COMMD1: variants seen among roughly 807,000 people sequenced by gnomAD.
COMMD1 encodes COMM domain-containing protein 1.
A neutral mutation model predicts 17.2 loss-of-function variants in COMMD1; 10 were observed. That is an observed-to-expected ratio of 0.58 (90% CI 0.36 to 0.99). COMMD1 has a LOEUF of 0.99. Among genes scored for constraint, COMMD1 ranks in the 50% least tolerant of loss-of-function variants. The pLI is 0.01. For synonymous variants in COMMD1, 97 were observed against 91.6 expected, an observed-to-expected ratio of 1.06 and a Z score of -0.34; for missense variants, 270 against 231.8, an observed-to-expected ratio of 1.17 and a Z score of -1.07.
chr2:62,040,646 A>G (rs929772475), intron 2 of COMMD1, among the ~76,000 whole-genome samples: 3 of 152,072 alleles, frequency 2.0e-5, no homozygotes, highest in Non-Finnish European at 2.9e-5. Context: ...TTTAGTATAC[A>G]CCTGTCAGTT....
At chr2:62,074,031 TTTTTCTCTTAACACTA>T (rs1266179860) in intron 2 of COMMD1, among the ~76,000 whole-genome samples, 1 of 152,124 alleles carries the variant, frequency 6.6e-6, no homozygotes, top group Non-Finnish European at 1.5e-5. Context: ...TACAGTTTAT[TTTTTCTCTTAACACTA>T]TACAAACCAG....
chr2:61,889,675 G>T (rs542697747), intron 1 of COMMD1, among the ~76,000 whole-genome samples: 12 of 152,186 alleles, frequency 7.9e-5, no homozygotes, highest in Non-Finnish European at 1.8e-4. Flanking sequence ...GGGAGATTTG[G>T]AATGAGGCGA....
In COMMD1 at chr2:61,946,608, TTTTACTACACTATTACTA is replaced by T. The variant is rs1353558361; in HGVS notation, c.180+40769_180+40786del. Among the ~76,000 whole-genome samples the T allele has an allele frequency of 5.9e-5, 9 of 152,268 alleles. No individual in the cohort carries two copies. The South Asian group carries it at 1.0e-3, about 18-fold the overall frequency. On this transcript the variant is annotated intron_variant, in intron 1 of 2. Transcript: ENST00000311832. Reference sequence around the variant, plus strand: ...CTTGAGAGAGAAAATTGAACTCTAGTTTTACTACACTATTACTATTTACTACACTATTACTAGTTTTAC... The same window carrying T: ...CTTGAGAGAGAAAATTGAACTCTAGTTTTACTACACTATTACTAGTTTTAC...
chr2:62,063,972 G>A (rs979134064), intron 2 of COMMD1, among the ~76,000 whole-genome samples: 3 of 146,976 alleles, frequency 2.0e-5, no homozygotes, highest in African/African-American at 7.5e-5. Context: ...ATTTGAACCT[G>A]GGAGGTTGAG....
intron 1 of COMMD1, among the ~76,000 whole-genome samples, chr2:61,960,264 G>T (rs575499266): frequency 6.6e-6 from 1 of 152,202 alleles, no homozygotes. Flanking sequence ...CTTCAAATTT[G>T]TTTAGCATGT....
At chr2:61,888,547 G>C, upstream of COMMD1, 1 of 1,594,440 alleles carries the variant, frequency 6.3e-7, no homozygotes, top group Non-Finnish European at 8.5e-7. Flanking sequence ...GGGAAGGACG[G>C]ATGGACCCGG....
intron 2 of COMMD1, among the ~76,000 whole-genome samples, chr2:62,036,054 T>TCA (rs70946776): frequency 0.058 from 8,296 of 143,194 alleles, 269 homozygotes; most frequent in African/African-American, 0.099. Context: ...ACCCTGTCTC[T>TCA]CACACACACA....
intron 2 of COMMD1, among the ~76,000 whole-genome samples, chr2:62,123,533 ACAGG>A: frequency 2.7e-5 from 4 of 150,112 alleles, no homozygotes; most frequent in African/African-American, 1.0e-4. Context: ...AAAAAAAAAA[ACAGG>A]AAGGAAGGAA....
rs1225086274 is a variant in COMMD1, at chr2:62,104,328, CA to C, written c.463-31498del. Among the ~76,000 whole-genome samples the C allele has an allele frequency of 2.0e-5, 3 of 150,852 alleles. No individual in the cohort carries two copies. In the East Asian group the frequency reaches 6.0e-4, roughly 30 times the overall value. ...GCAACATAGTGAGACCCCATCTCTACAAAAAGTTTAGAAGAAAACAACAGGC... is the reference window on the plus strand; with the variant it reads ...GCAACATAGTGAGACCCCATCTCTACAAAAGTTTAGAAGAAAACAACAGGC... On this transcript the variant is annotated intron_variant, in intron 2 of 2. Transcript: ENST00000311832.
chr2:62,108,001 A>C (rs894582374), intron 2 of COMMD1, among the ~76,000 whole-genome samples: 1 of 152,068 alleles, frequency 6.6e-6, no homozygotes, highest in Non-Finnish European at 1.5e-5. Flanking sequence ...CAGCAAAATG[A>C]GTCTGTTTAT....
intron 2 of COMMD1, 30 bp from the exon 3 acceptor site, chr2:62,135,801 C>T (rs762527115): frequency 8.9e-7 from 1 of 1,127,168 alleles, no homozygotes; most frequent in Admixed American, 1.7e-5. Flanking sequence ...CTTGTGGTTT[C>T]CCTCTAAAAT....
Position 61,978,894 on chromosome 2 carries a change from A to G in COMMD1, c.181-21807A>G, listed in dbSNP as rs1163420716. Among the ~76,000 whole-genome samples the G allele has an allele frequency of 4.6e-5, 7 of 152,172 alleles. No individual in the cohort carries two copies. The South Asian group carries it at 6.2e-4, about 14-fold the overall frequency. On this transcript the variant is annotated intron_variant, in intron 1 of 2. Transcript: ENST00000311832. ...ATGGATATTTTGATATAGGCATTCA[A>G]TGTCTAATAATCATATCAGGGGAAA...
At chr2:62,032,852 C>T (rs1431491258) in intron 2 of COMMD1, among the ~76,000 whole-genome samples, 2 of 152,128 alleles carry the variant, frequency 1.3e-5, no homozygotes, top group African/African-American at 4.8e-5. Flanking sequence ...CTCACTGCAT[C>T]CTCCACCCTC....
chr2:62,055,697 C>G (rs1256063794), intron 2 of COMMD1, among the ~76,000 whole-genome samples: 7 of 152,244 alleles, frequency 4.6e-5, no homozygotes, highest in Non-Finnish European at 8.8e-5. Context: ...ATTGCTAAAG[C>G]TAAGAAGCCC....
intron 1 of COMMD1, among the ~76,000 whole-genome samples, chr2:61,959,008 G>T (rs1393186558): frequency 2.0e-5 from 3 of 152,154 alleles, no homozygotes; most frequent in Non-Finnish European, 2.9e-5. Context: ...TTTCCATGCA[G>T]ATTTTTTACT....
chr2:62,125,326 C>T (rs1200416822), intron 2 of COMMD1, among the ~76,000 whole-genome samples: 2 of 152,180 alleles, frequency 1.3e-5, no homozygotes, highest in East Asian at 1.9e-4. Flanking sequence ...GCTCTCATCA[C>T]GATATGGGTA....
intron 2 of COMMD1, among the ~76,000 whole-genome samples, chr2:62,061,777 G>A (rs950391716): frequency 9.9e-5 from 15 of 151,742 alleles, no homozygotes; most frequent in African/African-American, 2.9e-4. Context: ...GGATAGGATG[G>A]TCTCGATCTC....
At chr2:62,052,816 T>C (rs908226468) in intron 2 of COMMD1, among the ~76,000 whole-genome samples, 2 of 152,188 alleles carry the variant, frequency 1.3e-5, no homozygotes, top group African/African-American at 4.8e-5. Flanking sequence ...GGCTCACGCC[T>C]ATAATCCCAT....
chr2:61,978,962 ACAAT>A (rs1454895149), intron 1 of COMMD1, among the ~76,000 whole-genome samples: 4 of 152,324 alleles, frequency 2.6e-5, no homozygotes, highest in Admixed American at 2.6e-4. Context: ...TGTGTTAGAA[ACAAT>A]CAATTACACT....
Sources: allele counts gnomAD v4.1 joint callset (sites outside exome capture counted in the v4.1 genomes callset), GRCh38; gene constraint gnomAD v4.1.1; transcripts MANE v1.5; gene names NCBI Gene and HGNC (gene_info 2026-07-23, HGNC 2026-07-21).